The following SLCO1A2 variants were observed in gnomAD, a reference collection of about 807,000 sequenced individuals.
The protein encoded by SLCO1A2 is solute carrier organic anion transporter family member 1A2, also known as OATP-1.
Under a neutral mutation model 69.0 loss-of-function variants are expected in SLCO1A2, and 67 were observed. The ratio of observed to expected loss-of-function variants is 0.97; its 90% CI spans 0.80 to 1.19. SLCO1A2 has a LOEUF of 1.19. SLCO1A2 is among the 50% of genes most tolerant of loss of function. The probability of loss-of-function intolerance (pLI) is 0.00; values close to 1 mark genes in which losing one functional copy is unlikely to be tolerated. For missense variants in SLCO1A2, 787 were observed against 793.7 expected, an observed-to-expected ratio of 0.99 and a Z score of 0.10; for synonymous variants, 260 against 265.9, an observed-to-expected ratio of 0.98 and a Z score of 0.22.
intron 1 of SLCO1A2, among the ~76,000 whole-genome samples, chr12:21,401,285 T>A (rs1423188746): frequency 6.6e-6 from 1 of 151,810 alleles, no homozygotes; most frequent in Non-Finnish European, 1.5e-5. Flanking sequence ...ACAAAATATA[T>A]AAAACCAAAG....
chr12:21,296,777 A>C (rs559373923), intron 9 of SLCO1A2, among the ~76,000 whole-genome samples: 1 of 152,330 alleles, frequency 6.6e-6, no homozygotes, highest in South Asian at 2.1e-4. Context: ...CACGCCCTAG[A>C]GTCTGATTCA....
At chr12:21,339,586 T>C (rs772387765), upstream of SLCO1A2, among the ~76,000 whole-genome samples, 3 of 151,890 alleles carry the variant, frequency 2.0e-5, no homozygotes, top group Non-Finnish European at 2.9e-5. Flanking sequence ...GGATATTATA[T>C]GGAAAACTAG....
intron 2 of SLCO1A2, among the ~76,000 whole-genome samples, chr12:21,353,302 C>G (rs1461634875): frequency 6.6e-6 from 1 of 151,690 alleles, no homozygotes; most frequent in Non-Finnish European, 1.5e-5. Flanking sequence ...TTAAAATGTT[C>G]CTAAATATGG....
chr12:21,296,414 A>C (rs1483855850), intron 9 of SLCO1A2, among the ~76,000 whole-genome samples: 1 of 152,038 alleles, frequency 6.6e-6, no homozygotes, highest in Non-Finnish European at 1.5e-5. Context: ...CTAATTTAAA[A>C]ACAAAAATTG....
intron 1 of SLCO1A2, among the ~76,000 whole-genome samples, chr12:21,377,110 A>G (rs1269285315): frequency 6.6e-6 from 1 of 152,204 alleles, no homozygotes; most frequent in Non-Finnish European, 1.5e-5. Flanking sequence ...TTCTGAGTTT[A>G]TAAGTATTAT....
At chr12:21,352,853 A>C (rs1565512251) in intron 2 of SLCO1A2, among the ~76,000 whole-genome samples, 2 of 152,242 alleles carry the variant, frequency 1.3e-5, no homozygotes, top group African/African-American at 4.8e-5. Flanking sequence ...GTATGCAAAA[A>C]TATCTCAGTA....
upstream of SLCO1A2, among the ~76,000 whole-genome samples, chr12:21,396,251 C>G (rs1941454667): frequency 6.6e-6 from 1 of 150,992 alleles, no homozygotes; most frequent in Admixed American, 6.6e-5. Flanking sequence ...CCGATGCGAT[C>G]AACTGGAAGA....
At chr12:21,292,745 G>A (rs568560567) in intron 11 of SLCO1A2, among the ~76,000 whole-genome samples, 1 of 152,014 alleles carries the variant, frequency 6.6e-6, no homozygotes, top group African/African-American at 2.4e-5. Flanking sequence ...ACAGGCGCCT[G>A]CCACCATTCC....
intron 1 of SLCO1A2, among the ~76,000 whole-genome samples, chr12:21,392,601 CTT>C (rs369792705): frequency 5.9e-4 from 90 of 152,284 alleles, no homozygotes; most frequent in African/African-American, 2.2e-3. Flanking sequence ...ACAGAAACGA[CTT>C]TTATTTTTAT....
intron 2 of SLCO1A2, among the ~76,000 whole-genome samples, chr12:21,329,213 A>G (rs1229346773): frequency 1.3e-5 from 2 of 152,192 alleles, no homozygotes; most frequent in African/African-American, 4.8e-5. Context: ...AGCTGATTAT[A>G]TTGATCTACA....
chr12:21,298,631 G>A (rs1174466878), intron 8 of SLCO1A2, among the ~76,000 whole-genome samples: 1 of 152,122 alleles, frequency 6.6e-6, no homozygotes, highest in Non-Finnish European at 1.5e-5. Flanking sequence ...AGGAGAGAGA[G>A]TTATCTGAAG....
At chr12:21,366,307 C>A (rs1295885971) in intron 2 of SLCO1A2, among the ~76,000 whole-genome samples, 1 of 151,330 alleles carries the variant, frequency 6.6e-6, no homozygotes, top group Non-Finnish European at 1.5e-5. Context: ...GGACAAAAAA[C>A]CAAACACCAC....
At chr12:21,282,440 C>G (rs1189021538) in intron 12 of SLCO1A2, among the ~76,000 whole-genome samples, 1 of 151,536 alleles carries the variant, frequency 6.6e-6, no homozygotes, top group African/African-American at 2.4e-5. Context: ...GAACATGGCT[C>G]AACATAATAA....
At chr12:21,278,796 A>G (rs1483023957) in intron 12 of SLCO1A2, among the ~76,000 whole-genome samples, 1 of 152,102 alleles carries the variant, frequency 6.6e-6, no homozygotes, top group Non-Finnish European at 1.5e-5. Flanking sequence ...AGACATCAAC[A>G]AACATTGACA....
intron 12 of SLCO1A2, 69 bp downstream of exon 12, chr12:21,292,095 A>T (rs1946949047): frequency 8.9e-7 from 1 of 1,123,492 alleles, no homozygotes; most frequent in Admixed American, 2.7e-5. Context: ...GTCCTGAGTG[A>T]CTTTCTTAGA....
At chr12:21,297,316 C>T (rs4148999) in intron 9 of SLCO1A2, 88 bp downstream of exon 9, 997 of 832,200 alleles carry the variant, frequency 1.2e-3, no homozygotes, top group Non-Finnish European at 1.6e-3. Flanking sequence ...TATCCTAAAA[C>T]ACTTCAACTT....
chr12:21,392,585 C>T (rs1335120857), intron 1 of SLCO1A2, among the ~76,000 whole-genome samples: 2 of 152,164 alleles, frequency 1.3e-5, no homozygotes, highest in African/African-American at 4.8e-5. Flanking sequence ...CAGCACAACT[C>T]TCTCTACAGA....
intron 2 of SLCO1A2, among the ~76,000 whole-genome samples, chr12:21,368,092 A>G (rs1939520949): frequency 6.6e-6 from 1 of 152,152 alleles, no homozygotes; most frequent in Non-Finnish European, 1.5e-5. Context: ...AGAATGAACA[A>G]CTTGCCTGCT....
rs1369352099 is a variant in SLCO1A2, at chr12:21,268,137, G to A, written c.*1411C>T. On this transcript the variant is annotated 3_prime_UTR_variant, in exon 15 of 15. Transcript: ENST00000683939. The stretch of plus-strand genomic sequence containing the variant: ...ATCATTTAGGAAATCATATTAACCT[G>A]TAAAGCATCTGTACAAAGTCCTTCA... 6.6e-6 allele frequency: 1 copy of A among 152,046 alleles called. No individual in the cohort carries two copies. Among genetic ancestry groups the A allele is most frequent in the East Asian group, 1.9e-4 (1 of 5,170 alleles). 9.4% of individuals were successfully genotyped at this position (152,046 alleles called of 1,614,324 possible).
Sources: gnomAD v4.1 joint callset for allele counts (sites outside exome capture counted in the v4.1 genomes callset) on GRCh38, gnomAD v4.1.1 for gene constraint, MANE v1.5 for transcripts, NCBI Gene and HGNC (gene_info 2026-07-23, HGNC 2026-07-21) for gene names.